APIP: variants seen among roughly 807,000 people sequenced by gnomAD.
APIP encodes the protein methylthioribulose-1-phosphate dehydratase.
Under a neutral mutation model 32.0 loss-of-function variants are expected in APIP, and 32 were observed. That is an observed-to-expected ratio of 1.00 (90% confidence interval 0.76 to 1.34). The LOEUF (loss-of-function observed/expected upper bound fraction) is 1.34. Among genes scored for constraint, APIP ranks in the 40% most tolerant of loss-of-function variants. The probability of loss-of-function intolerance (pLI) is 0.00; values close to 1 mark genes in which losing one functional copy is unlikely to be tolerated. For missense variants in APIP, 247 were observed against 298.6 expected (o/e 0.83, Z 1.27); for synonymous variants, 92 against 94.8 (o/e 0.97, Z 0.17).
intron 1 of APIP, among the ~76,000 whole-genome samples, chr11:34,905,040 C>G (rs1046704450): frequency 1.3e-5 from 2 of 152,170 alleles, no homozygotes; most frequent in Non-Finnish European, 1.5e-5. Context: ...ACTACGCCAC[C>G]CTTGCAGGAA....
chr11:34,912,128 C>T (rs12282552), intron 1 of APIP, among the ~76,000 whole-genome samples: 28,806 of 152,036 alleles, frequency 0.19, 3,904 homozygotes, highest in African/African-American at 0.39. Flanking sequence ...AAAACCAGGT[C>T]AGAGATTATT....
At chr11:34,891,071 T>C (rs1352941625) in intron 2 of APIP, among the ~76,000 whole-genome samples, 1 of 152,124 alleles carries the variant, frequency 6.6e-6, no homozygotes, top group Non-Finnish European at 1.5e-5. Flanking sequence ...GTATTAACAC[T>C]GGGCTACTTT....
At chr11:34,896,806 T>C (rs1853280391) in intron 1 of APIP, 1 of 1,288,364 alleles carries the variant, frequency 7.8e-7, no homozygotes, top group Non-Finnish European at 1.0e-6. Context: ...CTGAAGGTAT[T>C]GCAAAACTCT....
chr11:34,897,616 A>G (rs1853299076), intron 1 of APIP, among the ~76,000 whole-genome samples: 2 of 151,998 alleles, frequency 1.3e-5, no homozygotes, highest in East Asian at 3.9e-4. Context: ...CTTTTCTAGC[A>G]GAAAAGCAGC....
intron 1 of APIP, among the ~76,000 whole-genome samples, chr11:34,907,693 A>T (rs1186705751): frequency 1.3e-5 from 2 of 152,172 alleles, no homozygotes; most frequent in African/African-American, 2.4e-5. Context: ...CTTTCCTATT[A>T]TTGTTAGATC....
At chr11:34,889,524 T>C (rs1444561388) in intron 3 of APIP, among the ~76,000 whole-genome samples, 1 of 151,990 alleles carries the variant, frequency 6.6e-6, no homozygotes, top group East Asian at 1.9e-4. Context: ...CATGTGGAGG[T>C]TTGTTACATA....
In APIP at chr11:34,890,569, T is replaced by C. The variant is rs1853170907; in HGVS notation, c.159-17A>G. 2 of 1,608,356 alleles carry C rather than the reference T, an allele frequency of 1.2e-6. No individual in the cohort carries two copies. Among genetic ancestry groups the C allele is most frequent in the Non-Finnish European group, 1.7e-6 (2 of 1,177,026 alleles). On this transcript the variant is annotated splice_polypyrimidine_tract_variant and intron_variant, in intron 2 of 6. Transcript: ENST00000395787. ...ATTTCATCGCTGGCAACACAAAACA[T>C]ACAAATTGGTATTTATTTATTTCCT...
chr11:34,911,587 T>A (rs1318232337), intron 1 of APIP, among the ~76,000 whole-genome samples: 5 of 152,198 alleles, frequency 3.3e-5, no homozygotes, highest in Non-Finnish European at 7.3e-5. Flanking sequence ...GAGCCTAAAT[T>A]TTAAAATCAA....
At chr11:34,912,142 A>T (rs2986418) in intron 1 of APIP, among the ~76,000 whole-genome samples, 46 of 152,136 alleles carry the variant, frequency 3.0e-4, no homozygotes, top group Non-Finnish European at 6.0e-4. Context: ...GATTATTGTC[A>T]TAAGCTGAGT....
rs564204261 is a variant in APIP, at chr11:34,901,826, T to A, written c.58-6716A>T. ...GAAGGATAGGTCGAGCTATAACCACTAGGCCAGTCCAGATCTATCTTAAGG... is the reference window on the plus strand; with the variant it reads ...GAAGGATAGGTCGAGCTATAACCACAAGGCCAGTCCAGATCTATCTTAAGG... On this transcript the variant is annotated intron_variant, in intron 1 of 6. Coordinates refer to ENST00000395787, the MANE Select transcript of APIP (RefSeq NM_015957.4). 2.7e-3 allele frequency among the ~76,000 whole-genome samples: 413 copies of A among 152,270 alleles called. 3 individuals carry two copies. Among genetic ancestry groups the A allele is most frequent in the African/African-American group, 9.6e-3 (399 of 41,538 alleles).
chr11:34,891,663 G>A (rs1218705495), intron 2 of APIP, among the ~76,000 whole-genome samples: 1 of 152,140 alleles, frequency 6.6e-6, no homozygotes, highest in Non-Finnish European at 1.5e-5. Flanking sequence ...ATAAAGTCTA[G>A]AAAACAAATG....
At position 34,893,139 on chromosome 11, in the gene APIP, C is replaced by T. The variant is rs184612242; in HGVS notation, c.158+1871G>A. Among the ~76,000 whole-genome samples, 332 of 152,178 alleles carry T rather than the reference C, an allele frequency of 2.2e-3. 3 individuals are homozygous for T. The highest frequency in any genetic ancestry group is 7.4e-3 in the African/African-American group (306 of 41,556). ...AAAGCCCATTTAATTTTAAAAGATG[C>T]GCCAATGAGTGGTTTATGGTGGTCA... On this transcript the variant is annotated intron_variant, in intron 2 of 6. Coordinates refer to ENST00000395787, the MANE Select transcript of APIP (RefSeq NM_015957.4).
At chr11:34,902,169 C>T (rs1287037217) in intron 1 of APIP, among the ~76,000 whole-genome samples, 3 of 152,210 alleles carry the variant, frequency 2.0e-5, no homozygotes, top group African/African-American at 4.8e-5. Flanking sequence ...CATACCATTA[C>T]ATCCTGATTC....
At chr11:34,912,084 G>A (rs2133925047) in intron 1 of APIP, among the ~76,000 whole-genome samples, 1 of 152,240 alleles carries the variant, frequency 6.6e-6, no homozygotes, top group East Asian at 1.9e-4. Context: ...ATCAGTTCAA[G>A]GGCCAGTCAG....
intron 1 of APIP, among the ~76,000 whole-genome samples, chr11:34,900,564 G>T (rs979446480): frequency 6.6e-6 from 1 of 152,102 alleles, no homozygotes; most frequent in Non-Finnish European, 1.5e-5. Context: ...TCACATAGAG[G>T]GATGTTACGT....
intron 1 of APIP, among the ~76,000 whole-genome samples, chr11:34,902,863 G>T (rs1231118459): frequency 1.3e-5 from 2 of 152,136 alleles, no homozygotes; most frequent in Non-Finnish European, 2.9e-5. Flanking sequence ...ACAGTCAATG[G>T]GTTACCTAAG....
At chr11:34,907,867 T>C (rs1229961292) in intron 1 of APIP, among the ~76,000 whole-genome samples, 1 of 152,218 alleles carries the variant, frequency 6.6e-6, no homozygotes, top group Non-Finnish European at 1.5e-5. Flanking sequence ...TATTAATTTT[T>C]CCAATTTTTC....
chr11:34,900,297 C>G (rs554631949), intron 1 of APIP, among the ~76,000 whole-genome samples: 1 of 151,322 alleles, frequency 6.6e-6, no homozygotes, highest in South Asian at 2.1e-4. Context: ...TCTGAGACAG[C>G]TATTGAATGT....
intron 1 of APIP, among the ~76,000 whole-genome samples, chr11:34,909,928 G>T (rs1467268746): frequency 6.6e-6 from 1 of 152,138 alleles, no homozygotes; most frequent in East Asian, 1.9e-4. Context: ...AGGTGAGGAA[G>T]TTCATTACCT....
Sources: gnomAD v4.1 joint callset for allele counts (sites outside exome capture counted in the v4.1 genomes callset) on GRCh38, gnomAD v4.1.1 for gene constraint, MANE v1.5 for transcripts, NCBI Gene and HGNC (gene_info 2026-07-23, HGNC 2026-07-21) for gene names.